LRCH3: variants seen among roughly 807,000 people sequenced by gnomAD.
The protein encoded by LRCH3 is DISP complex protein LRCH3.
In LRCH3, 68 loss-of-function variants were observed where a neutral mutation model predicts 104.5. The observed-to-expected ratio is 0.65, with a 90% CI of 0.54 to 0.80. LRCH3 has a LOEUF of 0.80. Ranked by LOEUF, LRCH3 falls within the 30% of genes least tolerant of loss-of-function variation. LRCH3 has a pLI of 0.00. For missense variants in LRCH3, 951 were observed against 953.9 expected (o/e 1.00, Z 0.04); for synonymous variants, 344 against 361.3 (o/e 0.95, Z 0.54).
intron 20 of LRCH3, chr3:197,881,437 C>T (rs1182281176): frequency 3.0e-6 from 3 of 985,412 alleles, no homozygotes; most frequent in Non-Finnish European, 3.6e-6. Flanking sequence ...TGGAGCTGGC[C>T]TCTCAGGGTG....
Position 197,887,595 on chromosome 3 carries a change from GC to G in LRCH3, c.*3935del, listed in dbSNP as rs1342996643. 2 of 146,216 alleles carry G rather than the reference GC, an allele frequency of 1.4e-5. No homozygotes were observed. 9.1% of individuals were successfully genotyped at this position (146,216 alleles called of 1,614,324 possible). On this transcript the variant is annotated 3_prime_UTR_variant, in exon 21 of 21. Coordinates refer to ENST00000425562, the MANE Select transcript of LRCH3 (RefSeq NM_001365715.1). ...TCACTGACAGTGTTGGGGGCTGAGA[GC>G]CCCCCTAGCAGAGCCCTTCCCATCA...
At chr3:197,796,946 A>G (rs1731271292) in intron 1 of LRCH3, among the ~76,000 whole-genome samples, 1 of 152,154 alleles carries the variant, frequency 6.6e-6, no homozygotes. Flanking sequence ...GTAGAGTGAC[A>G]CTTTAGGAGG....
At chr3:197,876,629 A>C (rs1339297782) in intron 20 of LRCH3, among the ~76,000 whole-genome samples, 1 of 152,224 alleles carries the variant, frequency 6.6e-6, no homozygotes, top group African/African-American at 2.4e-5. Flanking sequence ...CTTTTTCATT[A>C]ACCACGACCA....
chr3:197,875,235 A>G (rs1468080178), intron 19 of LRCH3, among the ~76,000 whole-genome samples: 1 of 152,132 alleles, frequency 6.6e-6, no homozygotes, highest in Non-Finnish European at 1.5e-5. Context: ...TGGCATTGCA[A>G]CAGTTCTTAT....
At chr3:197,850,357 T>C (rs989025938) in intron 12 of LRCH3, 70 of 920,124 alleles carry the variant, frequency 7.6e-5, no homozygotes, top group Non-Finnish European at 1.0e-4. Context: ...TTTTCTTTTT[T>C]TTTTTTTTTT....
intron 11 of LRCH3, 64 bp downstream of exon 11, chr3:197,847,524 A>T (rs1180782294): frequency 7.0e-7 from 1 of 1,420,950 alleles, no homozygotes; most frequent in Non-Finnish European, 9.6e-7. Flanking sequence ...TTCTTTTATA[A>T]TACTTAAATT....
At chr3:197,881,109 C>A in intron 20 of LRCH3, 1 of 1,061,840 alleles carries the variant, frequency 9.4e-7, no homozygotes, top group Non-Finnish European at 1.1e-6. Flanking sequence ...TGCCTCAGCA[C>A]AAGTGTTGAA....
intron 17 of LRCH3, among the ~76,000 whole-genome samples, chr3:197,866,878 G>A (rs376974359): frequency 2.0e-5 from 3 of 152,126 alleles, no homozygotes; most frequent in Admixed American, 6.5e-5. Flanking sequence ...GGTGGCTCAC[G>A]CCTGTGATCC....
At chr3:197,859,020 CT>C in intron 15 of LRCH3, 115 bp downstream of exon 15, 1 of 783,030 alleles carries the variant, frequency 1.3e-6, no homozygotes, top group Non-Finnish European at 2.3e-6. Flanking sequence ...ATAAATATAC[CT>C]GTTTATGGAA....
At chr3:197,857,246 T>C (rs534301079) in intron 14 of LRCH3, among the ~76,000 whole-genome samples, 17 of 151,236 alleles carry the variant, frequency 1.1e-4, no homozygotes, top group Admixed American at 4.6e-4. Flanking sequence ...TAATATCAGT[T>C]ACACTGACAT....
chr3:197,833,686 T>C (rs1736283837), intron 8 of LRCH3, among the ~76,000 whole-genome samples: 1 of 152,216 alleles, frequency 6.6e-6, no homozygotes, highest in South Asian at 2.1e-4. Context: ...TTTAGACATA[T>C]TAGACAATGT....
chr3:197,879,737 T>TC (rs1419421830), intron 20 of LRCH3, among the ~76,000 whole-genome samples: 2 of 152,220 alleles, frequency 1.3e-5, no homozygotes, highest in Non-Finnish European at 2.9e-5. Flanking sequence ...CATGAGGCTT[T>TC]CCTCAGTCTT....
In LRCH3 at chr3:197,835,575, G is replaced by A. The variant is rs1199533867; in HGVS notation, c.1103-99G>A. Reference sequence around the variant, plus strand: ...TCCCACTTTCAAAATAGAAAATCATGGGGAAAAGGAAATAAGTAAATGTCT... The same window carrying A: ...TCCCACTTTCAAAATAGAAAATCATAGGGAAAAGGAAATAAGTAAATGTCT... On this transcript the variant is annotated intron_variant, in intron 8 of 20. Transcript: ENST00000425562. 2.3e-6 allele frequency: 3 copies of A among 1,322,150 alleles called. No homozygotes were observed. In the East Asian group the frequency reaches 8.5e-5, roughly 38 times the overall value. The allele number at this position is 1,322,150 out of a possible 1,614,324, so 81.9% of individuals were successfully genotyped here.
intron 14 of LRCH3, 65 bp from the exon 15 acceptor site, chr3:197,858,769 C>T (rs927852047): frequency 2.3e-5 from 30 of 1,311,192 alleles, no homozygotes; most frequent in Non-Finnish European, 2.2e-6. Context: ...GTCAGATCTG[C>T]CTGCCTGACA....
At position 197,854,466 on chromosome 3, in the gene LRCH3, G is replaced by A. The variant is rs765597190; in HGVS notation, c.1644+21G>A. 3.1e-5 allele frequency: 50 copies of A among 1,610,818 alleles called. No homozygotes were observed. The highest frequency in any genetic ancestry group is 1.9e-4 in the South Asian group (17 of 91,020). On this transcript the variant is annotated intron_variant, in intron 14 of 20. Coordinates refer to ENST00000425562, the MANE Select transcript of LRCH3 (RefSeq NM_001365715.1). This position sits in a 1 kb window ranked among gnomAD's most constrained non-coding sequence, Gnocchi z 4.5. Reference sequence around the variant, plus strand: ...GCATGGTAAGAGTTTTGCACAAAACGGAGTTTCGCATTTCTGTGTTTAGAG... The same window carrying A: ...GCATGGTAAGAGTTTTGCACAAAACAGAGTTTCGCATTTCTGTGTTTAGAG...
chr3:197,882,204 G>A (rs754771049), intron 20 of LRCH3: 62 of 985,300 alleles, frequency 6.3e-5, no homozygotes, highest in Non-Finnish European at 7.0e-5. Context: ...CACCGGCCGC[G>A]CAGGTCCTAG....
At chr3:197,847,507 A>T (rs1168768351) in intron 11 of LRCH3, 47 bp downstream of exon 11, 1 of 1,512,266 alleles carries the variant, frequency 6.6e-7, no homozygotes, top group East Asian at 2.3e-5. Flanking sequence ...AACTAAGATG[A>T]TTTTTTTTCT....
chr3:197,883,137 C>T lies in LRCH3; in HGVS notation c.2209-404C>T. On this transcript the variant is annotated intron_variant, in intron 20 of 20. Coordinates refer to ENST00000425562, the MANE Select transcript of LRCH3 (RefSeq NM_001365715.1). The surrounding 1 kb of genome is among the most constrained non-coding windows in gnomAD (Gnocchi z 4.2). ...GGGAACTTACCCTCAAGTGTAGTAT[C>T]TTTTACTCTTGAGCCATCTGGTAGC... 2 of 987,726 alleles carry T rather than the reference C, an allele frequency of 2.0e-6. No homozygotes were observed. Among genetic ancestry groups the T allele is most frequent in the Non-Finnish European group, 2.4e-6 (2 of 831,502 alleles). The allele number at this position is 987,726 out of a possible 1,614,324, so 61.2% of individuals were successfully genotyped here.
intron 19 of LRCH3, among the ~76,000 whole-genome samples, chr3:197,875,119 C>T (rs1275120625): frequency 6.6e-6 from 1 of 151,970 alleles, no homozygotes; most frequent in African/African-American, 2.4e-5. Context: ...TTAGTAGAGA[C>T]GGGGTTTCTC....
Sources: allele counts gnomAD v4.1 joint callset (sites outside exome capture counted in the v4.1 genomes callset), GRCh38; gene constraint gnomAD v4.1.1; non-coding constraint Gnocchi (gnomAD v3.1); transcripts MANE v1.5; gene names NCBI Gene and HGNC (gene_info 2026-07-23, HGNC 2026-07-21).